CABIN1: variants seen among roughly 807,000 people sequenced by gnomAD.
The protein encoded by CABIN1 is calcineurin binding protein 1.
In CABIN1, 133 loss-of-function variants were observed where a neutral mutation model predicts 227.7. The ratio of observed to expected loss-of-function variants is 0.58; its 90% CI spans 0.51 to 0.67. The LOEUF (loss-of-function observed/expected upper bound fraction) is 0.67. CABIN1 is among the 30% of genes least tolerant of loss of function. The pLI, the probability that CABIN1 is intolerant of heterozygous loss-of-function variation, is 0.00. For synonymous variants in CABIN1, 1,086 were observed against 1,155.1 expected (o/e 0.94, Z 1.21); for missense variants, 2,408 against 2,852.5 (o/e 0.84, Z 3.55).
intron 6 of CABIN1, among the ~76,000 whole-genome samples, chr22:24,048,624 G>C (rs1317369588): frequency 1.3e-5 from 2 of 152,062 alleles, no homozygotes; most frequent in East Asian, 3.9e-4. Context: ...TTTCATCATG[G>C]TGCCCAGGCT....
At chr22:24,077,672 C>T (rs1287317188) in intron 19 of CABIN1, among the ~76,000 whole-genome samples, 1 of 152,196 alleles carries the variant, frequency 6.6e-6, no homozygotes, top group Non-Finnish European at 1.5e-5. Context: ...GACTCAGCCA[C>T]TCCCTTTTTC....
chr22:24,175,321 G>A (rs544635916), intron 34 of CABIN1, among the ~76,000 whole-genome samples: 44 of 152,322 alleles, frequency 2.9e-4, no homozygotes, highest in Non-Finnish European at 4.0e-4. Context: ...GCTTTGTACC[G>A]GGAGCTGTCA....
rs140821155 is a variant in CABIN1, at chr22:24,075,179, G to A, written c.2633-990G>A. On this transcript the variant is annotated intron_variant, in intron 18 of 36. Coordinates refer to ENST00000263119, the MANE Select transcript of CABIN1 (RefSeq NM_012295.4). ...GACCATGCCATTGTACTCCAGCCTG[G>A]GCAAAAGTGAGACCTCATCTTAAAA... 5.3e-5 allele frequency among the ~76,000 whole-genome samples: 8 copies of A among 151,984 alleles called. No homozygotes were observed. The East Asian group carries it at 1.2e-3, about 22-fold the overall frequency.
intron 27 of CABIN1, among the ~76,000 whole-genome samples, chr22:24,114,001 A>G (rs977440697): frequency 2.0e-5 from 3 of 152,196 alleles, no homozygotes; most frequent in Admixed American, 6.5e-5. Flanking sequence ...TGTTGTTGTT[A>G]TGACCCTCAC....
Position 24,038,428 on chromosome 22 carries a change from C to T in CABIN1, c.177C>T (p.Tyr59=), listed in dbSNP as rs1261083175. The stretch of plus-strand genomic sequence containing the variant: ...GGTTTGAGGAGTCTGCCAAAGCCTA[C>T]CATGAGCTCTTGGAGGCGAGCCTGC... ...HDRFEESAKA[Y]HELLEASLLR... The change falls in exon 4 of 37, where the codon TAC becomes TAT. Residue 59 remains tyrosine (Y), a synonymous_variant. Transcript: ENST00000263119. The T allele has an allele frequency of 6.2e-7, 1 of 1,614,006 alleles. No individual in the cohort carries two copies. Among genetic ancestry groups the T allele is most frequent in the African/African-American group, 1.3e-5 (1 of 75,026 alleles).
In CABIN1 at chr22:24,059,268, A is replaced by T; in HGVS notation, c.1304A>T (p.Asn435Ile). 1 of 1,614,242 alleles carries T rather than the reference A, an allele frequency of 6.2e-7. No homozygotes were observed. The highest frequency in any genetic ancestry group is 1.7e-5 in the Admixed American group (1 of 60,032). ...CCTGAGGAGGAAGATGATTCCTTTA[A>T]TAACTATGAAGTCCAGTCAGAAGCC... ...LDPEEEDDSF[N>I]NYEVQSEAKL... The change falls in exon 11 of 37, where the codon AAT becomes ATT. Residue 435 changes from asparagine (N) to isoleucine (I), a missense_variant. Transcript: ENST00000263119.
chr22:24,062,089 C>A, intron 13 of CABIN1, 64 bp downstream of exon 13: 1 of 1,341,534 alleles, frequency 7.5e-7, no homozygotes, highest in Non-Finnish European at 1.1e-6. Flanking sequence ...TGGGAGAAAG[C>A]TGAGGCGGGA....
intron 1 of CABIN1, among the ~76,000 whole-genome samples, chr22:24,015,200 A>G (rs1346671033): frequency 1.4e-5 from 2 of 143,246 alleles, no homozygotes; most frequent in Non-Finnish European, 3.0e-5. Context: ...TGGGAGGCAG[A>G]TGTTGCAGTG....
At chr22:24,041,980 C>A (rs2037410040) in intron 5 of CABIN1, among the ~76,000 whole-genome samples, 1 of 152,210 alleles carries the variant, frequency 6.6e-6, no homozygotes, top group African/African-American at 2.4e-5. Context: ...AAGACAGGGT[C>A]TCAGTCTGTT....
At chr22:24,136,347 C>CTTTTTTT (rs71184947) in intron 29 of CABIN1, among the ~76,000 whole-genome samples, 2 of 113,226 alleles carry the variant, frequency 1.8e-5, no homozygotes, top group African/African-American at 3.8e-5. Context: ...GCCATCCCTC[C>CTTTTTTT]TTTTTTTTTT....
At chr22:24,167,397 C>T (rs2046515935) in intron 32 of CABIN1, 84 bp downstream of exon 32, 1 of 1,362,386 alleles carries the variant, frequency 7.3e-7, no homozygotes. Context: ...GAGGGTCTCC[C>T]AGGCCTGCCC....
intron 16 of CABIN1, 126 bp from the exon 17 acceptor site, chr22:24,070,674 C>T: frequency 7.1e-7 from 1 of 1,413,826 alleles, no homozygotes; most frequent in Non-Finnish European, 1.0e-6. Flanking sequence ...CTATGTTGTG[C>T]TGGGGCTCGT....
intron 1 of CABIN1, among the ~76,000 whole-genome samples, chr22:24,031,294 A>G (rs932279010): frequency 6.6e-6 from 1 of 152,186 alleles, no homozygotes; most frequent in African/African-American, 2.4e-5. Flanking sequence ...GGGCAGGAGA[A>G]AAGTCAGTGT....
rs116987581 is a variant in CABIN1 at position 24,057,901 on chromosome 22, T to C, written c.1263-1326T>C. ...TGGTGCCAAGAGATTTGAGTGACCC[T>C]ATATTCCCCTTAGCCCTGCTTTTTA... is the stretch of plus-strand genomic sequence containing the variant. On this transcript the variant is annotated intron_variant, in intron 10 of 36. Coordinates refer to ENST00000263119, the MANE Select transcript of CABIN1 (RefSeq NM_012295.4). 1.6e-4 allele frequency among the ~76,000 whole-genome samples: 24 copies of C among 152,370 alleles called. No individual in the cohort carries two copies. The East Asian group carries it at 4.2e-3, about 27-fold the overall frequency.
At position 24,056,310 on chromosome 22, in the gene CABIN1, A is replaced by G. The variant is rs141732499; in HGVS notation, c.1212A>G (p.Lys404=). Residue 404 remains lysine (K), a synonymous_variant, in exon 10 of 37, where the codon AAA becomes AAG. Coordinates refer to ENST00000263119, the MANE Select transcript of CABIN1 (RefSeq NM_012295.4). ...GTGTCCGAAACACCAAGTGCAAAAAAGAAGAGAAAGTAGACTTCCAGGAGC... is the reference window on the plus strand; with the variant it reads ...GTGTCCGAAACACCAAGTGCAAAAAGGAAGAGAAAGTAGACTTCCAGGAGC... ...SARVRNTKCK[K]EEKVDFQELL... The G allele has an allele frequency of 2.1e-4, 338 of 1,614,024 alleles. No individual in the cohort carries two copies. In the African/African-American group the frequency reaches 3.2e-3, roughly 15 times the overall value.
In CABIN1 at chr22:24,056,183, T is replaced by C. The variant is rs778090414; in HGVS notation, c.1094-9T>C. ...CCGTGTAAGATTTTAATTTGCATTC[T>C]TTGTGAAGGTGATATTTCTGGGGGA... is the stretch of plus-strand genomic sequence containing the variant. On this transcript the variant is annotated splice_polypyrimidine_tract_variant and intron_variant, in intron 9 of 36. Transcript: ENST00000263119. The C allele has an allele frequency of 1.2e-6, 2 of 1,613,610 alleles. No individual in the cohort carries two copies. The highest frequency in any genetic ancestry group is 1.7e-6 in the Non-Finnish European group (2 of 1,179,636).
At chr22:24,064,728 A>G (rs550089507) in intron 15 of CABIN1, among the ~76,000 whole-genome samples, 15 of 152,136 alleles carry the variant, frequency 9.9e-5, no homozygotes, top group African/African-American at 3.6e-4. Context: ...CTTAACGAGC[A>G]TGCTGCCTTC....
Position 24,166,732 on chromosome 22 carries a change from G to A in CABIN1, c.5101G>A (p.Glu1701Lys), listed in dbSNP as rs760168983. ...SHKASPEDGQ[E>K]GLPQPKKPPL... Reference sequence around the variant, plus strand: ...CAAGGCCAGTCCTGAGGATGGCCAGGAGGGCCTCCCCCAGCCGAAGAAGCC... The same window carrying A: ...CAAGGCCAGTCCTGAGGATGGCCAGAAGGGCCTCCCCCAGCCGAAGAAGCC... Residue 1701 changes from glutamate (E) to lysine (K), a missense_variant, in exon 32 of 37, where the codon GAG (glutamate) becomes AAG (lysine). Coordinates refer to ENST00000263119, the MANE Select transcript of CABIN1 (RefSeq NM_012295.4). 1 of 1,612,842 alleles carries A rather than the reference G, an allele frequency of 6.2e-7. No homozygotes were observed. The highest frequency in any genetic ancestry group is 1.1e-5 in the South Asian group (1 of 91,086).
At chr22:24,075,483 G>A (rs1453515711) in intron 18 of CABIN1, among the ~76,000 whole-genome samples, 1 of 152,126 alleles carries the variant, frequency 6.6e-6, no homozygotes, top group Admixed American at 6.5e-5. Context: ...TTAAGGCCAG[G>A]CGCCATGGCT....
Sources: allele counts gnomAD v4.1 joint callset (sites outside exome capture counted in the v4.1 genomes callset), GRCh38; gene constraint gnomAD v4.1.1; transcripts MANE v1.5; gene names NCBI Gene and HGNC (gene_info 2026-07-23, HGNC 2026-07-21).